NKD1: variants seen among roughly 807,000 people sequenced by gnomAD.
NKD1 encodes protein naked cuticle homolog 1.
Under a neutral mutation model 56.0 loss-of-function variants are expected in NKD1, and 21 were observed. The observed-to-expected ratio is 0.38, with a 90% CI of 0.27 to 0.54. The LOEUF is 0.54. Among genes scored for constraint, NKD1 ranks in the 20% least tolerant of loss-of-function variants. NKD1 has a pLI of 0.82. For synonymous variants in NKD1, 263 were observed against 265.7 expected, an observed-to-expected ratio of 0.99 and a Z score of 0.10; for missense variants, 578 against 642.7, an observed-to-expected ratio of 0.90 and a Z score of 1.09.
At chr16:50,594,758 GC>G (rs1462344625) in intron 3 of NKD1, among the ~76,000 whole-genome samples, 2 of 151,678 alleles carry the variant, frequency 1.3e-5, no homozygotes, top group African/African-American at 4.8e-5. Flanking sequence ...TCTGAAGAGG[GC>G]CCCCAGGTGT....
intron 3 of NKD1, among the ~76,000 whole-genome samples, chr16:50,590,647 G>A (rs755784159): frequency 6.6e-6 from 1 of 152,202 alleles, no homozygotes; most frequent in Non-Finnish European, 1.5e-5. Context: ...GGAAACTAAG[G>A]TACAAAGAAG....
intron 3 of NKD1, among the ~76,000 whole-genome samples, chr16:50,583,466 C>T (rs1961162676): frequency 6.6e-6 from 1 of 152,126 alleles, no homozygotes; most frequent in African/African-American, 2.4e-5. Context: ...TATTCCAGAC[C>T]AGACAAACTC....
chr16:50,617,153 C>G (rs980357612), intron 4 of NKD1, among the ~76,000 whole-genome samples: 2 of 152,222 alleles, frequency 1.3e-5, no homozygotes, highest in Non-Finnish European at 2.9e-5. Context: ...GACTGTGGCT[C>G]TCACAGCATG....
At chr16:50,614,162 T>C (rs763387805) in intron 4 of NKD1, among the ~76,000 whole-genome samples, 28 of 152,178 alleles carry the variant, frequency 1.8e-4, no homozygotes, top group Non-Finnish European at 3.2e-4. Flanking sequence ...GTGAGTGAAT[T>C]ACTGCTGTGG....
chr16:50,636,391 A>T lies in NKD1; in HGVS notation c.*2610A>T, dbSNP rs1432808874. The T allele has an allele frequency of 6.6e-6, 1 of 152,252 alleles. No homozygotes were observed. Among genetic ancestry groups the T allele is most frequent in the East Asian group, 1.9e-4 (1 of 5,206 alleles). 9.4% of individuals were successfully genotyped at this position (152,252 alleles called of 1,614,324 possible). ...AACTTTAAAAACATTATTTAAAAAA[A>T]TAGTAATGTGCACATGTAAAAGATT... On this transcript the variant is annotated 3_prime_UTR_variant, in exon 10 of 10. Coordinates refer to ENST00000268459, the MANE Select transcript of NKD1 (RefSeq NM_033119.5).
chr16:50,577,110 A>C (rs1455913033), intron 3 of NKD1, among the ~76,000 whole-genome samples: 4 of 152,210 alleles, frequency 2.6e-5, no homozygotes. Context: ...GGTGGAAGGA[A>C]TAGGGTCTTA....
Position 50,625,467 on chromosome 16 carries a change from C to T in NKD1, c.367-18C>T. ...GCCACAGATAGGGGACCAGCCCCGCCCATCTCTCTGCATCCAGGAGCTCCA... is the reference window on the plus strand; with the variant it reads ...GCCACAGATAGGGGACCAGCCCCGCTCATCTCTCTGCATCCAGGAGCTCCA... On this transcript the variant is annotated intron_variant, in intron 5 of 9. Coordinates refer to ENST00000268459, the MANE Select transcript of NKD1 (RefSeq NM_033119.5). The T allele has an allele frequency of 2.5e-6, 4 of 1,576,670 alleles. 1 individual carries two copies. The highest frequency in any genetic ancestry group is 2.2e-5 in the South Asian group (2 of 90,374).
At chr16:50,586,387 G>T (rs1028484021) in intron 3 of NKD1, among the ~76,000 whole-genome samples, 1 of 117,098 alleles carries the variant, frequency 8.5e-6, no homozygotes, top group African/African-American at 3.2e-5. Flanking sequence ...TTGGGCGGGG[G>T]GTGGGTGGCT....
intron 3 of NKD1, chr16:50,571,597 G>A (rs938886627): frequency 3.3e-6 from 3 of 904,936 alleles, no homozygotes; most frequent in African/African-American, 1.8e-5. Flanking sequence ...CATCCTGGGG[G>A]GTCATTCCTA....
intron 3 of NKD1, chr16:50,552,460 C>G (rs1312959399): frequency 6.6e-6 from 1 of 152,276 alleles, no homozygotes; most frequent in Non-Finnish European, 1.5e-5. Context: ...CCTGTTTGCC[C>G]TCTTCCTTCC....
intron 3 of NKD1, among the ~76,000 whole-genome samples, chr16:50,594,278 A>G (rs906350129): frequency 1.3e-5 from 2 of 152,226 alleles, no homozygotes; most frequent in African/African-American, 4.8e-5. Context: ...CAGTGTGACC[A>G]TTGCCTTTCT....
intron 3 of NKD1, chr16:50,575,339 T>C: frequency 1.0e-6 from 1 of 985,364 alleles, no homozygotes; most frequent in African/African-American, 1.7e-5. Flanking sequence ...GTTTGCTTCA[T>C]AGGCCAGAGC....
chr16:50,574,993 C>G (rs962979083), intron 3 of NKD1: 6 of 985,168 alleles, frequency 6.1e-6, no homozygotes, highest in Non-Finnish European at 1.2e-6. Flanking sequence ...CCTGGTGCTT[C>G]TCACAGCTTG....
chr16:50,641,639 C>T lies in NKD1; in HGVS notation c.*7858C>T, dbSNP rs1962581429. 1 of 152,200 alleles carries T rather than the reference C, an allele frequency of 6.6e-6. No homozygotes were observed. Among genetic ancestry groups the T allele is most frequent in the African/African-American group, 2.4e-5 (1 of 41,424 alleles). The allele number at this position is 152,200 out of a possible 1,614,324, so 9.4% of individuals were successfully genotyped here. ...GCCCCTCTCAGCCTGATTTTGAGGC[C>T]TGGCTTTGATGCGATTCAGCTCATG... is the stretch of plus-strand genomic sequence containing the variant. On this transcript the variant is annotated 3_prime_UTR_variant, in exon 10 of 10. Coordinates refer to ENST00000268459, the MANE Select transcript of NKD1 (RefSeq NM_033119.5).
intron 2 of NKD1, 136 bp downstream of exon 2, chr16:50,548,885 C>G (rs1960302309): frequency 8.8e-7 from 1 of 1,142,758 alleles, no homozygotes; most frequent in Non-Finnish European, 1.1e-6. Context: ...CCCCCAAGCC[C>G]GCTCCCTGAG....
chr16:50,559,494 G>A (rs569279962), intron 3 of NKD1, among the ~76,000 whole-genome samples: 2 of 152,200 alleles, frequency 1.3e-5, no homozygotes, highest in Admixed American at 1.3e-4. Context: ...CAGAGAAAGT[G>A]TTCAGCCTCC....
At chr16:50,625,632 G>C in intron 6 of NKD1, 52 bp downstream of exon 6, 1 of 1,183,136 alleles carries the variant, frequency 8.5e-7, no homozygotes, top group Non-Finnish European at 1.3e-6. Context: ...CAGGCACAGG[G>C]CCTGGGCACA....
intron 3 of NKD1, among the ~76,000 whole-genome samples, chr16:50,588,509 A>G (rs982808128): frequency 6.6e-6 from 1 of 152,030 alleles, no homozygotes; most frequent in African/African-American, 2.4e-5. Flanking sequence ...GCTAGAGCTC[A>G]GCCTCATGCC....
intron 3 of NKD1, among the ~76,000 whole-genome samples, chr16:50,585,621 C>G (rs1410873511): frequency 6.6e-6 from 1 of 152,130 alleles, no homozygotes; most frequent in African/African-American, 2.4e-5. Flanking sequence ...AGCGTTTACC[C>G]AGGCAGGGCC....
Sources: gnomAD v4.1 joint callset for allele counts (sites outside exome capture counted in the v4.1 genomes callset) on GRCh38, gnomAD v4.1.1 for gene constraint, MANE v1.5 for transcripts, NCBI Gene and HGNC (gene_info 2026-07-23, HGNC 2026-07-21) for gene names.